The following OXR1 variants were observed in gnomAD, a reference collection of about 807,000 sequenced individuals.
The protein encoded by OXR1 is oxidation resistance 1, also known as oxidation resistance protein 1.
A neutral mutation model predicts 104.6 loss-of-function variants in OXR1; 41 were observed. That is an observed-to-expected ratio of 0.39 (90% CI 0.31 to 0.51). The LOEUF (loss-of-function observed/expected upper bound fraction) is 0.51. Among genes scored for constraint, OXR1 ranks in the 20% least tolerant of loss-of-function variants. The pLI is 0.77. For missense variants in OXR1, 955 were observed against 1,031.9 expected, an observed-to-expected ratio of 0.93 and a Z score of 1.02; for synonymous variants, 348 against 348.4, an observed-to-expected ratio of 1.00 and a Z score of 0.01.
chr8:106,567,515 AG>A (rs75395082), intron 3 of OXR1, among the ~76,000 whole-genome samples: 7,511 of 152,284 alleles, frequency 0.049, 194 homozygotes, highest in Middle Eastern at 0.099. Context: ...TTCTATGAGC[AG>A]ATGGCCAGAT....
intron 1 of OXR1, among the ~76,000 whole-genome samples, chr8:106,287,022 T>G (rs1319605843): frequency 6.6e-6 from 1 of 152,186 alleles, no homozygotes; most frequent in Non-Finnish European, 1.5e-5. Flanking sequence ...TCATTCCATT[T>G]GGTATCGTAG....
intron 2 of OXR1, among the ~76,000 whole-genome samples, chr8:106,405,859 G>A (rs772186877): frequency 1.3e-5 from 2 of 152,080 alleles, no homozygotes; most frequent in Non-Finnish European, 2.9e-5. Flanking sequence ...CTAAGTAAGT[G>A]GTTATTGCTT....
At chr8:106,499,294 A>C (rs1349490330) in intron 2 of OXR1, among the ~76,000 whole-genome samples, 2 of 151,680 alleles carry the variant, frequency 1.3e-5, no homozygotes, top group South Asian at 2.1e-4. Context: ...CTATTTTTCT[A>C]TTGGTCTAAT....
At chr8:106,417,569 A>T (rs1337146483) in intron 2 of OXR1, among the ~76,000 whole-genome samples, 1 of 152,106 alleles carries the variant, frequency 6.6e-6, no homozygotes, top group Non-Finnish European at 1.5e-5. Context: ...ATTTATTAAA[A>T]TTTCTGTTTC....
chr8:106,309,090 T>C (rs1049259541), intron 1 of OXR1, among the ~76,000 whole-genome samples: 28 of 152,152 alleles, frequency 1.8e-4, no homozygotes, highest in African/African-American at 5.8e-4. Flanking sequence ...GAGATCCTCC[T>C]GCGTCAGCCT....
At chr8:106,405,684 G>A (rs910920309) in intron 2 of OXR1, among the ~76,000 whole-genome samples, 5 of 152,030 alleles carry the variant, frequency 3.3e-5, no homozygotes, top group Admixed American at 2.6e-4. Flanking sequence ...AGTCAACCCA[G>A]GTATCCCAGC....
chr8:106,541,090 A>G lies in OXR1; in HGVS notation c.220+21951A>G, dbSNP rs935302977. Among the ~76,000 whole-genome samples, 9 of 152,328 alleles carry G rather than the reference A, an allele frequency of 5.9e-5. No homozygotes were observed. In the East Asian group the frequency reaches 1.7e-3, roughly 29 times the overall value. On this transcript the variant is annotated intron_variant, in intron 3 of 16. Coordinates refer to ENST00000517566, the MANE Select transcript of OXR1 (RefSeq NM_001198533.2). Reference sequence around the variant, plus strand: ...TCTGACCCTCATTTTCTACATCAGTAAAAAGATATTCTCTATATCACTATG... The same window carrying G: ...TCTGACCCTCATTTTCTACATCAGTGAAAAGATATTCTCTATATCACTATG...
chr8:106,409,896 G>A (rs1357393010), intron 2 of OXR1, among the ~76,000 whole-genome samples: 1 of 152,094 alleles, frequency 6.6e-6, no homozygotes, highest in Non-Finnish European at 1.5e-5. Flanking sequence ...ACCTTGGAGA[G>A]TATATGACAA....
In OXR1 at chr8:106,470,053, G is replaced by A. The variant is rs183036471; in HGVS notation, c.24-48890G>A. Among the ~76,000 whole-genome samples, 224 of 151,878 alleles carry A rather than the reference G, an allele frequency of 1.5e-3. No individual in the cohort carries two copies. The Middle Eastern group carries it at 0.02, about 14-fold the overall frequency. ...TTTGGGGAGCAGCAAAGAAGCCAGA[G>A]TGGCTACAGTGCAATGAGTTAGTGA... is the stretch of plus-strand genomic sequence containing the variant. On this transcript the variant is annotated intron_variant, in intron 2 of 16. Transcript: ENST00000517566.
chr8:106,546,055 T>TA (rs1815334335), intron 3 of OXR1, among the ~76,000 whole-genome samples: 1 of 152,136 alleles, frequency 6.6e-6, no homozygotes, highest in African/African-American at 2.4e-5. Flanking sequence ...ATAAAAATGT[T>TA]AAACACTTCA....
At chr8:106,571,423 G>A (rs188868251) in intron 3 of OXR1, among the ~76,000 whole-genome samples, 2 of 152,188 alleles carry the variant, frequency 1.3e-5, no homozygotes, top group Non-Finnish European at 2.9e-5. Flanking sequence ...TGACCCTCAT[G>A]ACCTCAACTA....
chr8:106,694,643 A>ATATATATTTGATATATAAATATATGTT (rs1554622553), intron 7 of OXR1, among the ~76,000 whole-genome samples: 7 of 31,450 alleles, frequency 2.2e-4, no homozygotes, highest in South Asian at 1.5e-3. Context: ...ATATATGTTT[A>ATATATATTTGATATATAAATATATGTT]TATATATTTG....
At chr8:106,607,325 C>G (rs1564117) in intron 3 of OXR1, among the ~76,000 whole-genome samples, 29,552 of 152,168 alleles carry the variant, frequency 0.19, 3,146 homozygotes, top group East Asian at 0.38. Flanking sequence ...TTCAAATGAC[C>G]ATTTTTGACA....
At chr8:106,674,009 T>A (rs1462807100) in intron 3 of OXR1, among the ~76,000 whole-genome samples, 1 of 152,200 alleles carries the variant, frequency 6.6e-6, no homozygotes. Context: ...AGAAGTGAAA[T>A]GTGGGGTCAG....
At chr8:106,272,913 T>C (rs1811876671) in intron 1 of OXR1, 1 of 152,160 alleles carries the variant, frequency 6.6e-6, no homozygotes, top group East Asian at 1.9e-4. Flanking sequence ...TTGCCTGTAT[T>C]GTTTTGTTTG....
At chr8:106,670,416 C>G (rs1294468720) in intron 3 of OXR1, among the ~76,000 whole-genome samples, 1 of 152,058 alleles carries the variant, frequency 6.6e-6, no homozygotes, top group African/African-American at 2.4e-5. Context: ...ATTTTATGTT[C>G]TGCACACAAA....
In OXR1 at chr8:106,546,183, G is replaced by A. The variant is rs370784951; in HGVS notation, c.220+27044G>A. The stretch of plus-strand genomic sequence containing the variant: ...GGCTACAGGACATTCACCCCAAGGC[G>A]TAGCTGAGTCATTTCGTGCTTTACC... On this transcript the variant is annotated intron_variant, in intron 3 of 16. Transcript: ENST00000517566. Among the ~76,000 whole-genome samples, 74 of 152,124 alleles carry A rather than the reference G, an allele frequency of 4.9e-4. 1 individual carries two copies. The highest frequency in any genetic ancestry group is 1.6e-3 in the African/African-American group (67 of 41,420).
chr8:106,458,372 G>T (rs563887444), intron 2 of OXR1, among the ~76,000 whole-genome samples: 27 of 152,272 alleles, frequency 1.8e-4, no homozygotes, highest in Admixed American at 5.9e-4. Flanking sequence ...GAAGGTACAA[G>T]CTGTAAACCC....
intron 3 of OXR1, chr8:106,658,263 G>T: frequency 8.2e-7 from 1 of 1,224,122 alleles, no homozygotes; most frequent in Non-Finnish European, 1.0e-6. Context: ...CGTGGCGCCG[G>T]GCGGGGGTCG....
Sources: allele counts gnomAD v4.1 joint callset (sites outside exome capture counted in the v4.1 genomes callset), GRCh38; gene constraint gnomAD v4.1.1; transcripts MANE v1.5; gene names NCBI Gene and HGNC (gene_info 2026-07-23, HGNC 2026-07-21).